The following FDX1 variants were observed in gnomAD, a reference collection of about 807,000 sequenced individuals.
The protein encoded by FDX1 is ferredoxin 1.
In FDX1, 9 loss-of-function variants were observed where a neutral mutation model predicts 14.9. The ratio of observed to expected loss-of-function variants is 0.60; its 90% CI spans 0.36 to 1.05. FDX1 has a LOEUF of 1.05. FDX1 is among the 50% of genes least tolerant of loss of function. The pLI is 0.01. For synonymous variants in FDX1, 92 were observed against 99.4 expected (o/e 0.93, Z 0.44); for missense variants, 204 against 237.2 (o/e 0.86, Z 0.92).
intron 2 of FDX1, among the ~76,000 whole-genome samples, chr11:110,445,926 C>A (rs1306687312): frequency 6.6e-6 from 1 of 152,136 alleles, no homozygotes; most frequent in African/African-American, 2.4e-5. Flanking sequence ...GAATTTAACA[C>A]TTCATATCAT....
chr11:110,444,897 C>T (rs1565382187), intron 2 of FDX1, among the ~76,000 whole-genome samples: 2 of 151,060 alleles, frequency 1.3e-5, no homozygotes, highest in African/African-American at 2.4e-5. Flanking sequence ...TTAACACGAC[C>T]GACCCGCCCT....
intron 2 of FDX1, among the ~76,000 whole-genome samples, chr11:110,450,939 T>C (rs911659488): frequency 1.3e-5 from 2 of 152,204 alleles, no homozygotes; most frequent in African/African-American, 4.8e-5. Context: ...GGGCTGTGTA[T>C]ATAATAAGTT....
intron 2 of FDX1, among the ~76,000 whole-genome samples, chr11:110,440,854 C>CA (rs1428054186): frequency 1.3e-5 from 2 of 152,100 alleles, no homozygotes; most frequent in African/African-American, 4.8e-5. Context: ...TTTAAGCTCA[C>CA]AAAAAAATCA....
chr11:110,451,438 C>G (rs1343156376), intron 2 of FDX1, among the ~76,000 whole-genome samples: 2 of 151,894 alleles, frequency 1.3e-5, no homozygotes, highest in African/African-American at 4.9e-5. Context: ...CAAGAAACAA[C>G]AGATGTGGTG....
intron 2 of FDX1, among the ~76,000 whole-genome samples, chr11:110,449,605 G>A (rs544272559): frequency 6.6e-6 from 1 of 152,192 alleles, no homozygotes; most frequent in South Asian, 2.1e-4. Flanking sequence ...TCACCATGCT[G>A]TTGCTATAGA....
chr11:110,430,338 G>T, intron 1 of FDX1, 33 bp downstream of exon 1: 1 of 1,175,812 alleles, frequency 8.5e-7, no homozygotes, highest in South Asian at 4.2e-5. Context: ...TCGCCGGCGC[G>T]GGCCGGGGTC....
chr11:110,437,841 G>A (rs1946380804), intron 2 of FDX1, among the ~76,000 whole-genome samples: 1 of 152,028 alleles, frequency 6.6e-6, no homozygotes, highest in Non-Finnish European at 1.5e-5. Context: ...CCAACTTTAT[G>A]TCCATGGGAC....
chr11:110,457,117 G>T (rs1188160962), intron 3 of FDX1, 70 bp downstream of exon 3: 1 of 1,399,158 alleles, frequency 7.1e-7, no homozygotes, highest in African/African-American at 1.4e-5. Flanking sequence ...TGTTGTCTAT[G>T]TAAGACCAGA....
At chr11:110,435,557 A>G (rs1322431199) in intron 1 of FDX1, among the ~76,000 whole-genome samples, 1 of 152,182 alleles carries the variant, frequency 6.6e-6, no homozygotes, top group Non-Finnish European at 1.5e-5. Context: ...AAGAAAAGAA[A>G]ATACCTTCGG....
chr11:110,448,715 C>T (rs1168189773), intron 2 of FDX1, among the ~76,000 whole-genome samples: 2 of 152,168 alleles, frequency 1.3e-5, no homozygotes, highest in Admixed American at 1.3e-4. Flanking sequence ...GCATGCTTTA[C>T]TATTCTTCAT....
chr11:110,431,695 G>A (rs1946333068), intron 1 of FDX1, among the ~76,000 whole-genome samples: 4 of 152,194 alleles, frequency 2.6e-5, no homozygotes, highest in Admixed American at 1.3e-4. Flanking sequence ...ACTGGTATAA[G>A]GGAACATGAA....
chr11:110,430,336 G>A, intron 1 of FDX1, 31 bp downstream of exon 1: 4 of 1,176,712 alleles, frequency 3.4e-6, no homozygotes, highest in Non-Finnish European at 4.2e-6. Flanking sequence ...GATCGCCGGC[G>A]CGGGCCGGGG....
In FDX1 at chr11:110,464,702, T is replaced by A. The variant is rs933405174; in HGVS notation, c.*2234T>A. On this transcript the variant is annotated 3_prime_UTR_variant, in exon 4 of 4. Coordinates refer to ENST00000260270, the MANE Select transcript of FDX1 (RefSeq NM_004109.5). ...CTTAATTAGCTTCATTATTCTTGTC[T>A]TTGTGTGTGGATTACCTAAACTCTC... 2 of 152,202 alleles carry A rather than the reference T, an allele frequency of 1.3e-5. No individual in the cohort carries two copies. The highest frequency in any genetic ancestry group is 2.9e-5 in the Non-Finnish European group (2 of 68,036). The allele number at this position is 152,202 out of a possible 1,614,324, so 9.4% of individuals were successfully genotyped here. A position where few individuals can be genotyped will look rare whatever the true frequency, so the allele number is the denominator to read the frequency against.
chr11:110,434,767 G>C (rs553411779), intron 1 of FDX1, among the ~76,000 whole-genome samples: 142 of 129,292 alleles, frequency 1.1e-3, no homozygotes, highest in African/African-American at 3.9e-3. Flanking sequence ...GCCTTGAGCT[G>C]TTGCCCAGGT....
At chr11:110,438,600 A>AT (rs912547262) in intron 2 of FDX1, among the ~76,000 whole-genome samples, 1 of 151,838 alleles carries the variant, frequency 6.6e-6, no homozygotes, top group Non-Finnish European at 1.5e-5. Flanking sequence ...AAATTTTTAT[A>AT]TTTTTAGTAG....
intron 2 of FDX1, among the ~76,000 whole-genome samples, chr11:110,453,978 G>T (rs1339919718): frequency 6.6e-6 from 1 of 152,104 alleles, no homozygotes; most frequent in Non-Finnish European, 1.5e-5. Flanking sequence ...AGGATAAATT[G>T]TTGGCAAGTT....
upstream of FDX1, among the ~76,000 whole-genome samples, chr11:110,429,384 T>C (rs962240660): frequency 6.6e-6 from 1 of 152,200 alleles, no homozygotes; most frequent in Non-Finnish European, 1.5e-5. Flanking sequence ...TTTCTGTTTT[T>C]TGTGAAAGTC....
intron 2 of FDX1, among the ~76,000 whole-genome samples, chr11:110,444,718 A>ACG (rs1946435408): frequency 1.5e-5 from 1 of 65,794 alleles, no homozygotes; most frequent in African/African-American, 7.1e-5. Context: ...ATATATATAT[A>ACG]TATACGTATA....
Position 110,440,054 on chromosome 11 carries a change from G to T in FDX1, c.310+4096G>T, listed in dbSNP as rs1367741157. ...TCTGTGTGTCTAGGTTTTCTAGGTT[G>T]TGTGCATAGGGGTGCTGATAATAGT... On this transcript the variant is annotated intron_variant, in intron 2 of 3. Coordinates refer to ENST00000260270, the MANE Select transcript of FDX1 (RefSeq NM_004109.5). Among the ~76,000 whole-genome samples, 5 of 152,246 alleles carry T rather than the reference G, an allele frequency of 3.3e-5. No homozygotes were observed. The East Asian group carries it at 9.6e-4, about 29-fold the overall frequency.
Sources: gnomAD v4.1 joint callset for allele counts (sites outside exome capture counted in the v4.1 genomes callset) on GRCh38, gnomAD v4.1.1 for gene constraint, MANE v1.5 for transcripts, NCBI Gene and HGNC (gene_info 2026-07-23, HGNC 2026-07-21) for gene names.